The following TCERG1L variants were observed in gnomAD, a reference collection of about 807,000 sequenced individuals.
TCERG1L encodes transcription elongation regulator 1 like.
A neutral mutation model predicts 56.3 loss-of-function variants in TCERG1L; 37 were observed. The observed-to-expected ratio is 0.66, with a 90% CI of 0.51 to 0.87. The LOEUF (loss-of-function observed/expected upper bound fraction) is 0.87. TCERG1L is among the 40% of genes least tolerant of loss of function. TCERG1L has a pLI of 0.00. For missense variants in TCERG1L, 799 were observed against 774.2 expected (o/e 1.03, Z -0.38); for synonymous variants, 324 against 326.3 (o/e 0.99, Z 0.08).
chr10:131,299,855 C>T (rs987500884), intron 3 of TCERG1L, among the ~76,000 whole-genome samples: 2 of 152,112 alleles, frequency 1.3e-5, no homozygotes, highest in African/African-American at 4.8e-5. Context: ...TTTTGACACA[C>T]ATTTTTATTT....
chr10:131,258,448 C>A (rs1797221455), intron 4 of TCERG1L, among the ~76,000 whole-genome samples: 1 of 152,194 alleles, frequency 6.6e-6, no homozygotes. Context: ...GAGCCCTCAC[C>A]AGGGGCGCCC....
chr10:131,176,843 C>G (rs114518566), intron 4 of TCERG1L, among the ~76,000 whole-genome samples: 4 of 3,264 alleles, frequency 1.2e-3, no homozygotes, highest in East Asian at 8.2e-3. Flanking sequence ...TACACACAGG[C>G]ACATAGGAAC....
intron 4 of TCERG1L, among the ~76,000 whole-genome samples, chr10:131,227,880 A>G (rs1312772030): frequency 2.0e-5 from 3 of 152,088 alleles, no homozygotes; most frequent in Non-Finnish European, 4.4e-5. Context: ...GAGCGCAACT[A>G]TCTTCCGGGT....
At chr10:131,207,348 C>T (rs866936593) in intron 4 of TCERG1L, among the ~76,000 whole-genome samples, 6 of 152,226 alleles carry the variant, frequency 3.9e-5, no homozygotes, top group South Asian at 2.1e-4. Context: ...GGTGGACAGG[C>T]GTCTTGCTGC....
At chr10:131,136,997 G>A (rs550322486) in intron 7 of TCERG1L, among the ~76,000 whole-genome samples, 54 of 151,872 alleles carry the variant, frequency 3.6e-4, no homozygotes, top group African/African-American at 8.9e-4. Context: ...AAAATTAGCC[G>A]GGTGTGGTGG....
chr10:131,160,104 C>G (rs1564804313), intron 6 of TCERG1L, among the ~76,000 whole-genome samples: 1 of 152,214 alleles, frequency 6.6e-6, no homozygotes, highest in Non-Finnish European at 1.5e-5. Flanking sequence ...TCCCAGCAGG[C>G]AAGCCTAGAT....
intron 10 of TCERG1L, among the ~76,000 whole-genome samples, chr10:131,099,365 G>A: frequency 6.6e-6 from 1 of 152,238 alleles, no homozygotes. Context: ...AGACTACGGA[G>A]TCAAAGAGGG....
chr10:131,302,930 A>C (rs1279348577), intron 3 of TCERG1L, among the ~76,000 whole-genome samples: 3 of 151,920 alleles, frequency 2.0e-5, no homozygotes, highest in African/African-American at 7.3e-5. Flanking sequence ...TTCCAGCTTC[A>C]TCCATGTCCC....
intron 10 of TCERG1L, among the ~76,000 whole-genome samples, chr10:131,100,951 C>T (rs1352329514): frequency 2.6e-5 from 4 of 152,318 alleles, no homozygotes; most frequent in South Asian, 4.1e-4. Context: ...CTGGCTATGG[C>T]GTGGCCTGCT....
At chr10:131,156,415 G>C (rs1845923725) in intron 6 of TCERG1L, 1 of 152,058 alleles carries the variant, frequency 6.6e-6, no homozygotes, top group Non-Finnish European at 1.5e-5. Flanking sequence ...CTAAGGACAA[G>C]TCATTAGCAT....
chr10:131,286,750 A>C (rs2133568710), intron 3 of TCERG1L, among the ~76,000 whole-genome samples: 1 of 152,326 alleles, frequency 6.6e-6, no homozygotes, highest in East Asian at 1.9e-4. Context: ...AATTTCTTTG[A>C]AATGCTGTCT....
At chr10:131,105,619 T>C (rs940508585) in intron 9 of TCERG1L, among the ~76,000 whole-genome samples, 1 of 152,148 alleles carries the variant, frequency 6.6e-6, no homozygotes, top group African/African-American at 2.4e-5. Flanking sequence ...GTTACTTATG[T>C]ACTCATCCTT....
rs1163812982 is a variant in TCERG1L, at chr10:131,166,648, C to T, written c.945+149G>A. ...CCTGCTCTCTAGGCCCCGCCTGGCC[C>T]CTTCAGTGCCAGGTCCTGCTGCTTC... On this transcript the variant is annotated intron_variant, in intron 5 of 11. Coordinates refer to ENST00000368642, the MANE Select transcript of TCERG1L (RefSeq NM_174937.4). 3 of 769,754 alleles carry T rather than the reference C, an allele frequency of 3.9e-6. No individual in the cohort carries two copies. The African/African-American group carries it at 5.3e-5, about 13-fold the overall frequency. The allele number at this position is 769,754 out of a possible 1,614,324, so 47.7% of individuals were successfully genotyped here. A position where few individuals can be genotyped will look rare whatever the true frequency, so the allele number is the denominator to read the frequency against.
intron 4 of TCERG1L, among the ~76,000 whole-genome samples, chr10:131,257,479 T>A (rs1241219736): frequency 6.6e-6 from 1 of 152,228 alleles, no homozygotes; most frequent in Non-Finnish European, 1.5e-5. Context: ...GTGGACTCTT[T>A]CCAACACAGA....
chr10:131,267,375 C>A lies in TCERG1L; in HGVS notation c.671-6931G>T, dbSNP rs541205122. Among the ~76,000 whole-genome samples, 199 of 152,196 alleles carry A rather than the reference C, an allele frequency of 1.3e-3. 1 individual carries two copies. The highest frequency in any genetic ancestry group is 2.4e-3 in the Non-Finnish European group (162 of 68,026). On this transcript the variant is annotated intron_variant, in intron 3 of 11. Coordinates refer to ENST00000368642, the MANE Select transcript of TCERG1L (RefSeq NM_174937.4). The surrounding 1 kb of genome is among the most constrained non-coding windows in gnomAD (Gnocchi z 4.9). ...GGCCAGGCAGCAGGAGCAGATACCC[C>A]CAAGCCTAAGCCCTGAGAGCATCGG... is the stretch of plus-strand genomic sequence containing the variant.
At chr10:131,243,709 A>G (rs1026262126) in intron 4 of TCERG1L, among the ~76,000 whole-genome samples, 1 of 152,248 alleles carries the variant, frequency 6.6e-6, no homozygotes, top group African/African-American at 2.4e-5. Context: ...CTGTTCACCA[A>G]GACGCAAGTA....
intron 8 of TCERG1L, among the ~76,000 whole-genome samples, chr10:131,123,269 T>C (rs572520724): frequency 6.6e-6 from 1 of 152,240 alleles, no homozygotes; most frequent in South Asian, 2.1e-4. Flanking sequence ...GTAAGTAAAT[T>C]GGGTGGTGTA....
chr10:131,294,071 T>C (rs1382400891), intron 3 of TCERG1L, among the ~76,000 whole-genome samples: 1 of 152,190 alleles, frequency 6.6e-6, no homozygotes, highest in Non-Finnish European at 1.5e-5. Flanking sequence ...ACTTTTATTA[T>C]GAAATCTTTC....
At chr10:131,251,715 AAC>A (rs1271299359) in intron 4 of TCERG1L, among the ~76,000 whole-genome samples, 3 of 152,172 alleles carry the variant, frequency 2.0e-5, no homozygotes, top group African/African-American at 7.2e-5. Context: ...CCCTCAGATA[AAC>A]TTCATTCATG....
Sources: gnomAD v4.1 joint callset for allele counts (sites outside exome capture counted in the v4.1 genomes callset) on GRCh38, gnomAD v4.1.1 for gene constraint, Gnocchi (gnomAD v3.1) non-coding constraint, MANE v1.5 for transcripts, NCBI Gene and HGNC (gene_info 2026-07-23, HGNC 2026-07-21) for gene names.